The following C2CD3 variants were observed in gnomAD, a reference collection of about 807,000 sequenced individuals.
C2CD3 encodes the protein C2 domain-containing protein 3.
A neutral mutation model predicts 234.0 loss-of-function variants in C2CD3; 148 were observed. The ratio of observed to expected loss-of-function variants is 0.63; its 90% confidence interval spans 0.55 to 0.72. The LOEUF is 0.72. Among genes scored for constraint, C2CD3 ranks in the 30% least tolerant of loss-of-function variants. C2CD3 has a pLI of 0.00. For missense variants in C2CD3, 2,577 were observed against 2,811.5 expected, an observed-to-expected ratio of 0.92 and a Z score of 1.89; for synonymous variants, 1,000 against 1,035.4, an observed-to-expected ratio of 0.97 and a Z score of 0.66.
At chr11:74,160,032 T>C (rs888886099) in intron 3 of C2CD3, among the ~76,000 whole-genome samples, 6 of 152,218 alleles carry the variant, frequency 3.9e-5, no homozygotes, top group African/African-American at 1.4e-4. Flanking sequence ...ACCATTGTGT[T>C]ATAACTGCCT....
chr11:74,078,089 A>G (rs1174600974), intron 23 of C2CD3, 26 bp downstream of exon 23: 1 of 1,597,858 alleles, frequency 6.3e-7, no homozygotes, highest in South Asian at 1.1e-5. Context: ...TCAAACTACA[A>G]GAGTTGAATC....
Position 74,095,399 on chromosome 11 carries a change from G to A in C2CD3, c.2989C>T (p.Arg997Ter), listed in dbSNP as rs780524193. 2 of 1,609,906 alleles carry A rather than the reference G, an allele frequency of 1.2e-6. No individual in the cohort carries two copies. Among genetic ancestry groups the A allele is most frequent in the South Asian group, 1.1e-5 (1 of 90,310 alleles). Residue 997 changes from arginine (R) to a stop codon, truncating the protein, a stop_gained, in exon 17 of 33, where the codon CGA becomes TGA. Coordinates refer to ENST00000334126, the MANE Select transcript of C2CD3 (RefSeq NM_001286577.2). LOFTEE classifies it high-confidence loss of function. ...CAGTGCTCCATCAGTCCATTTCCTC[G>A]GTCCTCTGCCTATTAAATGAAACAG... ...TAASVAMAED[R>*]GNGLMEHCFE...
intron 22 of C2CD3, among the ~76,000 whole-genome samples, chr11:74,082,366 C>T (rs186635054): frequency 7.8e-4 from 118 of 152,198 alleles, no homozygotes; most frequent in Non-Finnish European, 1.1e-3. Flanking sequence ...CCGCCCACCT[C>T]GGCCTCCCAA....
intron 32 of C2CD3, among the ~76,000 whole-genome samples, chr11:74,027,532 T>C (rs1464318309): frequency 6.6e-6 from 1 of 152,230 alleles, no homozygotes; most frequent in African/African-American, 2.4e-5. Context: ...ATAACTACCA[T>C]CTTTAACACA....
At chr11:74,033,120 AG>A in intron 31 of C2CD3, among the ~76,000 whole-genome samples, 1 of 152,318 alleles carries the variant, frequency 6.6e-6, no homozygotes, top group Non-Finnish European at 1.5e-5. Context: ...AAATCAGGGT[AG>A]GCTAGGCTAA....
chr11:74,040,643 C>G (rs1038793006), intron 29 of C2CD3, among the ~76,000 whole-genome samples: 6 of 152,010 alleles, frequency 3.9e-5, no homozygotes, highest in African/African-American at 1.5e-4. Context: ...GTAATCCCAG[C>G]TACTTGGGAG....
In C2CD3 at chr11:74,139,595, T is replaced by A. The variant is rs76942466; in HGVS notation, c.707+10A>T. ...CTGACAGATTGACTGGTATTAGGTATGGTAATTACCTCGGAGTGGTTGATC... is the reference window on the plus strand; with the variant it reads ...CTGACAGATTGACTGGTATTAGGTAAGGTAATTACCTCGGAGTGGTTGATC... On this transcript the variant is annotated intron_variant, in intron 4 of 32. Transcript: ENST00000334126. 3,754 of 1,561,732 alleles carry A rather than the reference T, an allele frequency of 2.4e-3. 64 individuals carry two copies. In the African/African-American group the frequency reaches 0.043, roughly 18 times the overall value.
chr11:74,059,663 A>G (rs1264326062), intron 24 of C2CD3, among the ~76,000 whole-genome samples: 1 of 152,194 alleles, frequency 6.6e-6, no homozygotes, highest in Non-Finnish European at 1.5e-5. Flanking sequence ...GTCTTGAAAG[A>G]GGTTCCAAGA....
At chr11:74,161,329 A>T in intron 3 of C2CD3, 70 bp downstream of exon 3, 1 of 906,992 alleles carries the variant, frequency 1.1e-6, no homozygotes, top group Non-Finnish European at 1.6e-6. Flanking sequence ...TATCCATTCT[A>T]CAAACAGACT....
At chr11:74,067,577 A>C (rs2135452739) in intron 24 of C2CD3, among the ~76,000 whole-genome samples, 1 of 152,300 alleles carries the variant, frequency 6.6e-6, no homozygotes, top group South Asian at 2.1e-4. Context: ...TTCTAATTTA[A>C]TGGTAGTAGG....
chr11:74,137,430 T>C (rs1382972591), intron 5 of C2CD3, among the ~76,000 whole-genome samples: 1 of 152,004 alleles, frequency 6.6e-6, no homozygotes, highest in Non-Finnish European at 1.5e-5. Flanking sequence ...TGCTCAAGTC[T>C]ACACAAGTGA....
chr11:74,091,053 G>C, intron 19 of C2CD3, 117 bp from the exon 20 acceptor site: 3 of 951,688 alleles, frequency 3.2e-6, no homozygotes, highest in Non-Finnish European at 4.7e-6. Context: ...AACAATAAGG[G>C]CAATGAGAGA....
intron 32 of C2CD3, among the ~76,000 whole-genome samples, chr11:74,028,029 T>C (rs560947357): frequency 1.3e-5 from 2 of 152,304 alleles, no homozygotes; most frequent in Non-Finnish European, 2.9e-5. Flanking sequence ...CTTGCTTTCA[T>C]GCTTCTGCAC....
intron 31 of C2CD3, 91 bp from the exon 32 acceptor site, chr11:74,028,489 C>T (rs1391273036): frequency 5.0e-5 from 38 of 760,204 alleles, no homozygotes; most frequent in Admixed American, 8.5e-5. Flanking sequence ...ACTCTGCCCC[C>T]ACTCATGTTT....
intron 1 of C2CD3, 84 bp downstream of exon 1, chr11:74,170,654 C>A (rs1314552572): frequency 2.0e-6 from 3 of 1,490,282 alleles, no homozygotes; most frequent in Non-Finnish European, 2.8e-6. Flanking sequence ...TCTTGTTTAT[C>A]CAGCGGGGGT....
intron 7 of C2CD3, among the ~76,000 whole-genome samples, chr11:74,131,998 T>A (rs1164416443): frequency 1.3e-5 from 2 of 152,168 alleles, no homozygotes; most frequent in Admixed American, 6.5e-5. Flanking sequence ...AATAGATGAG[T>A]CTGGTTGGAG....
intron 24 of C2CD3, among the ~76,000 whole-genome samples, chr11:74,064,450 T>C (rs1954408805): frequency 6.6e-6 from 1 of 152,220 alleles, no homozygotes; most frequent in Non-Finnish European, 1.5e-5. Context: ...GAATATTCCA[T>C]GCTCATAGAT....
chr11:74,033,982 T>C lies in C2CD3; in HGVS notation c.6178A>G (p.Ser2060Gly), dbSNP rs1481010498. The change falls in exon 31 of 33, where the codon AGT (serine) becomes GGT (glycine). Residue 2060 changes from serine to glycine, a missense_variant. Ser to Gly is a moderately conservative substitution (Grantham distance 56). Transcript: ENST00000334126. ...SEDTEAGPAY[S>G]DEDYEEDIIE... ...ATGTCTTCTTCATAGTCCTCATCAC[T>C]GTAGGCTGGGCCTGCCTCAGTGTCT... 5 of 1,536,490 alleles carry C rather than the reference T, an allele frequency of 3.3e-6. No individual in the cohort carries two copies. Among genetic ancestry groups the C allele is most frequent in the Non-Finnish European group, 4.4e-6 (5 of 1,146,980 alleles).
chr11:74,091,235 T>G (rs1191859403), intron 19 of C2CD3: 1 of 250,372 alleles, frequency 4.0e-6, no homozygotes, highest in Non-Finnish European at 7.7e-6. Context: ...CCCCCAATTA[T>G]GTTTATAGAA....
Sources: gnomAD v4.1 joint callset for allele counts (sites outside exome capture counted in the v4.1 genomes callset) on GRCh38, gnomAD v4.1.1 for gene constraint, MANE v1.5 for transcripts, NCBI Gene and HGNC (gene_info 2026-07-23, HGNC 2026-07-21) for gene names.